Variants in MFAP1 observed in about 807,000 individuals in gnomAD.
MFAP1 encodes microfibrillar-associated protein 1.
MFAP1 carries 18 observed loss-of-function variants against 62.2 expected under a neutral mutation model. That is an observed-to-expected ratio of 0.29 (90% CI 0.20 to 0.43). The LOEUF is 0.43. Ranked by LOEUF, MFAP1 falls within the 20% of genes least tolerant of loss-of-function variation. The pLI, the probability that MFAP1 is intolerant of heterozygous loss-of-function variation, is 1.00. For synonymous variants in MFAP1, 175 were observed against 180.4 expected (o/e 0.97, Z 0.24); for missense variants, 355 against 559.7 (o/e 0.63, Z 3.69).
rs758916283 is a variant in MFAP1 at position 43,817,319 on chromosome 15, T to G, written c.209A>C (p.Glu70Ala). Residue 70 changes from glutamate (E) to alanine (A), a missense_variant, in exon 2 of 9, where the codon GAA becomes GCA. Physicochemically the swap from Glu to Ala is moderately radical, Grantham distance 107. Coordinates refer to ENST00000267812, the MANE Select transcript of MFAP1 (RefSeq NM_005926.3). ...FQFIKKAKEQEAEPEEQEEDS... is the reference protein window; with the variant it reads ...FQFIKKAKEQAAEPEEQEEDS... ...CTCCTCCTGTTCCTCAGGCTCTGCT[T>G]CTTGTTCTTTGGCTTTCTTAATGAA... 1.2e-6 allele frequency: 2 copies of G among 1,614,090 alleles called. No homozygotes were observed. Among genetic ancestry groups the G allele is most frequent in the Admixed American group, 1.7e-5 (1 of 59,994 alleles).
intron 6 of MFAP1, among the ~76,000 whole-genome samples, chr15:43,810,283 T>C (rs1409769346): frequency 6.6e-6 from 1 of 152,010 alleles, no homozygotes; most frequent in Non-Finnish European, 1.5e-5. Context: ...TATTCCTTTA[T>C]GTAAGTGTAT....
chr15:43,814,920 A>C lies in MFAP1; in HGVS notation c.429+25T>G, dbSNP rs752954369. 3 of 1,610,050 alleles carry C rather than the reference A, an allele frequency of 1.9e-6. No individual in the cohort carries two copies. The Admixed American group carries it at 5.1e-5, about 27-fold the overall frequency. On this transcript the variant is annotated intron_variant, in intron 3 of 8. Transcript: ENST00000267812. ...GAACTTTTTCTTATATCCAGAAAAA[A>C]ACTTCCCATGTTCCTTTATCATACC...
intron 4 of MFAP1, 23 bp downstream of exon 4, chr15:43,814,478 G>C (rs757197980): frequency 1.3e-6 from 2 of 1,587,594 alleles, no homozygotes; most frequent in South Asian, 2.3e-5. Flanking sequence ...AGTGGATTCA[G>C]ATCTGGCTTG....
chr15:43,815,491 T>C (rs2141709551), intron 2 of MFAP1, among the ~76,000 whole-genome samples: 1 of 152,074 alleles, frequency 6.6e-6, no homozygotes, highest in East Asian at 1.9e-4. Context: ...ATTAAAGTAT[T>C]GAGGTGGAGG....
intron 6 of MFAP1, among the ~76,000 whole-genome samples, chr15:43,810,697 G>T (rs983178536): frequency 6.6e-6 from 1 of 151,638 alleles, no homozygotes; most frequent in African/African-American, 2.4e-5. Flanking sequence ...CCAGTGTTGG[G>T]GAGAGGGAGT....
intron 6 of MFAP1, chr15:43,810,158 A>T (rs970981563): frequency 3.3e-5 from 13 of 398,436 alleles, no homozygotes; most frequent in Non-Finnish European, 5.8e-5. Context: ...GTTCAGACAT[A>T]CTATTACTGC....
intron 4 of MFAP1, 90 bp downstream of exon 4, chr15:43,814,411 T>C: frequency 7.0e-7 from 1 of 1,430,130 alleles, no homozygotes; most frequent in Non-Finnish European, 9.5e-7. Context: ...CGTTTAGATT[T>C]CAGAATAGCA....
At chr15:43,812,944 G>A in intron 6 of MFAP1, 43 bp downstream of exon 6, 1 of 1,603,506 alleles carries the variant, frequency 6.2e-7, no homozygotes, top group East Asian at 2.2e-5. Flanking sequence ...CTAGAAACCT[G>A]TTCCATTAGC....
At chr15:43,807,832 G>C (rs2087375672) in intron 7 of MFAP1, among the ~76,000 whole-genome samples, 1 of 152,096 alleles carries the variant, frequency 6.6e-6, no homozygotes, top group African/African-American at 2.4e-5. Context: ...ATGCACTAAA[G>C]CTTACTTACT....
intron 1 of MFAP1, among the ~76,000 whole-genome samples, chr15:43,824,075 GTAAT>G (rs2087483709): frequency 6.6e-6 from 1 of 151,206 alleles, no homozygotes; most frequent in South Asian, 2.1e-4. Flanking sequence ...AAGTTCCTAA[GTAAT>G]TACACTAATA....
intron 7 of MFAP1, among the ~76,000 whole-genome samples, chr15:43,807,410 G>A (rs1040702373): frequency 6.7e-6 from 1 of 150,182 alleles, no homozygotes; most frequent in Non-Finnish European, 1.5e-5. Flanking sequence ...GTGCAGTGGC[G>A]TGATCTCGGC....
chr15:43,809,720 C>T (rs1264275957), intron 7 of MFAP1, 35 bp downstream of exon 7: 2 of 1,601,206 alleles, frequency 1.2e-6, no homozygotes, highest in Non-Finnish European at 1.7e-6. Flanking sequence ...GTTATTCCTA[C>T]TGCCCAATTT....
chr15:43,808,574 A>C (rs1241547866), intron 7 of MFAP1, among the ~76,000 whole-genome samples: 1 of 152,262 alleles, frequency 6.6e-6, no homozygotes, highest in Non-Finnish European at 1.5e-5. Flanking sequence ...TGATTATTAA[A>C]GCTGCGAACT....
At chr15:43,818,020 T>TA (rs1315884102) in intron 1 of MFAP1, among the ~76,000 whole-genome samples, 2 of 107,920 alleles carry the variant, frequency 1.9e-5, no homozygotes, top group Non-Finnish European at 3.6e-5. Flanking sequence ...ATACAATTCT[T>TA]TTTTTTTTTT....
At position 43,814,584 on chromosome 15, in the gene MFAP1, C is replaced by G. The variant is rs2087422873; in HGVS notation, c.534G>C (p.Glu178Asp). ...EVEDEGRSGE[E>D]SESESEYEEY... is the part of the protein sequence containing the mutation. Reference sequence around the variant, plus strand: ...CTTCATACTCAGACTCTGATTCTGACTCCTCTCCAGAACGACCCTCATCTT... The same window carrying G: ...CTTCATACTCAGACTCTGATTCTGAGTCCTCTCCAGAACGACCCTCATCTT... Residue 178 changes from glutamate to aspartate, a missense_variant, in exon 4 of 9, where the codon GAG becomes GAC. Physicochemically the swap from Glu to Asp is conservative, Grantham distance 45. This residue lies in a region of MFAP1 where 257 missense variants were observed against 341.3 expected (regional missense o/e 0.75). Coordinates refer to ENST00000267812, the MANE Select transcript of MFAP1 (RefSeq NM_005926.3). 1 of 1,614,056 alleles carries G rather than the reference C, an allele frequency of 6.2e-7. No individual in the cohort carries two copies. Among genetic ancestry groups the G allele is most frequent in the African/African-American group, 1.3e-5 (1 of 74,902 alleles).
At chr15:43,816,041 G>A (rs1353775401) in intron 2 of MFAP1, among the ~76,000 whole-genome samples, 2 of 152,064 alleles carry the variant, frequency 1.3e-5, no homozygotes, top group South Asian at 4.1e-4. Context: ...TTTGGTGGCT[G>A]CTGTGATAAA....
Position 43,819,997 on chromosome 15 carries a change from A to G in MFAP1, c.80-2549T>C, listed in dbSNP as rs368749610. Among the ~76,000 whole-genome samples the G allele has an allele frequency of 3.5e-3, 526 of 152,330 alleles. 3 individuals are homozygous for G. Among genetic ancestry groups the G allele is most frequent in the Non-Finnish European group, 5.9e-3 (400 of 68,028 alleles). Reference sequence around the variant, plus strand: ...CCCATCTCCACTAAAAAGACAAAAAAATTAGCCAGGCATGGTGGCGAGTGC... The same window carrying G: ...CCCATCTCCACTAAAAAGACAAAAAGATTAGCCAGGCATGGTGGCGAGTGC... On this transcript the variant is annotated intron_variant, in intron 1 of 8. Transcript: ENST00000267812.
chr15:43,823,565 A>G (rs1385091392), intron 1 of MFAP1, among the ~76,000 whole-genome samples: 1 of 150,718 alleles, frequency 6.6e-6, no homozygotes, highest in Admixed American at 6.6e-5. Flanking sequence ...TTTAGTAGAG[A>G]CGGGGTTTCG....
intron 6 of MFAP1, chr15:43,810,171 G>C (rs898470303): frequency 5.6e-6 from 2 of 354,566 alleles, no homozygotes; most frequent in African/African-American, 4.2e-5. Context: ...ATTACTGCTG[G>C]GTTTTCCAAC....
Sources: allele counts gnomAD v4.1 joint callset (sites outside exome capture counted in the v4.1 genomes callset), GRCh38; gene constraint gnomAD v4.1.1; regional missense constraint gnomAD v4.1.1; transcripts MANE v1.5; gene names NCBI Gene and HGNC (gene_info 2026-07-23, HGNC 2026-07-21).